Variants in MPDZ observed in about 807,000 individuals in gnomAD.
MPDZ encodes multiple PDZ domain crumbs cell polarity complex component, also known as multiple PDZ domain protein.
A neutral mutation model predicts 239.1 loss-of-function variants in MPDZ; 234 were observed. The observed-to-expected ratio is 0.98, with a 90% CI of 0.88 to 1.09. MPDZ has a LOEUF of 1.09. Among genes scored for constraint, MPDZ ranks in the 50% least tolerant of loss-of-function variants. The pLI is 0.00. For missense variants in MPDZ, 3,175 were observed against 2,510.0 expected (o/e 1.26, Z -5.66); for synonymous variants, 1,048 against 881.3 (o/e 1.19, Z -3.35).
chr9:13,115,307 C>T lies in MPDZ; in HGVS notation c.5407G>A (p.Val1803Ile). Residue 1803 changes from valine (V) to isoleucine (I), a missense_variant, in exon 40 of 47, where the codon GTT (valine) becomes ATT (isoleucine). Coordinates refer to ENST00000319217, the MANE Select transcript of MPDZ (RefSeq NM_001378778.1). ...AATGGACCAGCTTTGATTCTTCCAA[C>T]TTCCAAGGTTACTGTGCCTAGGGAA... is the stretch of plus-strand genomic sequence containing the variant. ...KCSLGTVTLE[V>I]GRIKAGPFHS... 2 of 1,612,726 alleles carry T rather than the reference C, an allele frequency of 1.2e-6. No homozygotes were observed. The highest frequency in any genetic ancestry group is 1.7e-6 in the Non-Finnish European group (2 of 1,179,818).
intron 23 of MPDZ, among the ~76,000 whole-genome samples, chr9:13,161,329 G>C (rs911636514): frequency 6.6e-6 from 1 of 152,010 alleles, no homozygotes; most frequent in African/African-American, 2.4e-5. Context: ...CAGCACTTTG[G>C]GAGGCCGAGG....
In MPDZ at chr9:13,205,920, G is replaced by C. The variant is rs760625429; in HGVS notation, c.1470C>G (p.Ile490Met). Residue 490 changes from isoleucine (I) to methionine (M), a missense_variant, in exon 11 of 47, where the codon ATC becomes ATG. Transcript: ENST00000319217. ...ACCAGATTAACATAGGATTACCTTT[G>C]ATTATGCTGGCATTAACAGGAGACA... ...ADLSPVNASI[I>M]KENYEKDEDF... 5 of 1,590,470 alleles carry C rather than the reference G, an allele frequency of 3.1e-6. No homozygotes were observed. The highest frequency in any genetic ancestry group is 4.3e-6 in the Non-Finnish European group (5 of 1,169,274).
chr9:13,223,756 G>C (rs1345516241), intron 4 of MPDZ, 46 bp from the exon 5 acceptor site: 9 of 1,530,788 alleles, frequency 5.9e-6, no homozygotes, highest in Non-Finnish European at 7.0e-6. Flanking sequence ...GCCAGGCCAT[G>C]CATGGTGGTT....
chr9:13,165,549 C>A, intron 22 of MPDZ: 1 of 815,730 alleles, frequency 1.2e-6, no homozygotes, highest in South Asian at 1.9e-5. Context: ...TTCCACCTCC[C>A]TCCCATCTAC....
At position 13,183,487 on chromosome 9, in the gene MPDZ, TAAAA is replaced by T; in HGVS notation, c.2576_2579del (p.Ile859AsnfsTer12). 1 of 1,612,438 alleles carries T rather than the reference TAAAA, an allele frequency of 6.2e-7. No homozygotes were observed. The highest frequency in any genetic ancestry group is 1.1e-5 in the South Asian group (1 of 90,996). On this transcript the variant is annotated frameshift_variant, in exon 19 of 47. Transcript: ENST00000319217. LOFTEE classifies it high-confidence loss of function. ...CACCACAAGAACTGCCATGAAGAGA[TAAAA>T]TAGAGGCTTGAGTAGAGTAGATGCT...
chr9:13,274,612 T>C (rs1397410405), intron 1 of MPDZ: 2 of 141,532 alleles, frequency 1.4e-5, no homozygotes, highest in East Asian at 2.1e-4. Flanking sequence ...TTGCAACACC[T>C]AAAAAACAAA....
chr9:13,258,830 A>G (rs962328493), intron 1 of MPDZ, among the ~76,000 whole-genome samples: 2 of 152,204 alleles, frequency 1.3e-5, no homozygotes, highest in African/African-American at 4.8e-5. Context: ...GATTAATTCA[A>G]TTTTGCCCAC....
chr9:13,166,549 A>G (rs1951096994), intron 22 of MPDZ, among the ~76,000 whole-genome samples: 1 of 152,130 alleles, frequency 6.6e-6, no homozygotes, highest in Non-Finnish European at 1.5e-5. Flanking sequence ...GTGTTTACAT[A>G]CACGAGAGAG....
chr9:13,253,006 T>C (rs1031078458), intron 1 of MPDZ, among the ~76,000 whole-genome samples: 3 of 152,146 alleles, frequency 2.0e-5, no homozygotes, highest in Non-Finnish European at 4.4e-5. Context: ...ATGTGTTTGG[T>C]ATGCACATGA....
intron 46 of MPDZ, among the ~76,000 whole-genome samples, chr9:13,107,507 G>C (rs904331052): frequency 2.6e-5 from 4 of 152,088 alleles, no homozygotes; most frequent in African/African-American, 7.2e-5. Context: ...GATTAGGTAG[G>C]AACAAAAACA....
chr9:13,260,321 T>G (rs574157763), intron 1 of MPDZ, among the ~76,000 whole-genome samples: 1 of 152,072 alleles, frequency 6.6e-6, no homozygotes, highest in South Asian at 2.1e-4. Flanking sequence ...GGAGCTAGAT[T>G]AAGATTAGTT....
chr9:13,248,976 C>CAAAAAAAAAAA lies in MPDZ; in HGVS notation c.17-1186_17-1176dup. Among the ~76,000 whole-genome samples the CAAAAAAAAAAA allele has an allele frequency of 2.8e-3, 102 of 35,820 alleles. 13 individuals carry two copies. The highest frequency in any genetic ancestry group is 0.011 in the East Asian group (9 of 814). 23.5% of individuals were successfully genotyped at this position (35,820 alleles called of 152,430 possible). On this transcript the variant is annotated intron_variant, in intron 2 of 46. Coordinates refer to ENST00000319217, the MANE Select transcript of MPDZ (RefSeq NM_001378778.1). ...CGACAGAGTGAGTGAGACTCCATCT[C>CAAAAAAAAAAA]AAAAAAAAAAAAAAAAAAAAAAAAA... is the stretch of plus-strand genomic sequence containing the variant.
At chr9:13,137,153 G>A (rs1466406764) in intron 29 of MPDZ, among the ~76,000 whole-genome samples, 4 of 152,052 alleles carry the variant, frequency 2.6e-5, no homozygotes, top group Non-Finnish European at 2.9e-5. Flanking sequence ...AAAAACTTGC[G>A]ACCTGCAAGA....
chr9:13,216,162 C>A (rs13298572), intron 10 of MPDZ, among the ~76,000 whole-genome samples: 1 of 151,414 alleles, frequency 6.6e-6, no homozygotes, highest in Middle Eastern at 3.2e-3. Flanking sequence ...AGGCTGCAGT[C>A]TGGGGAGTCC....
chr9:13,242,636 G>A (rs1965705319), intron 3 of MPDZ, among the ~76,000 whole-genome samples: 2 of 151,814 alleles, frequency 1.3e-5, no homozygotes, highest in Admixed American at 1.3e-4. Context: ...GAACAAAGGT[G>A]ATTAACCAAC....
chr9:13,247,524 T>C (rs1966838943), intron 3 of MPDZ, 111 bp downstream of exon 3: 1 of 1,185,218 alleles, frequency 8.4e-7, no homozygotes, highest in Non-Finnish European at 1.2e-6. Flanking sequence ...TTTAAATGAC[T>C]TCATTAACTA....
At chr9:13,204,324 G>C (rs142848357) in intron 12 of MPDZ, among the ~76,000 whole-genome samples, 1 of 152,046 alleles carries the variant, frequency 6.6e-6, no homozygotes, top group East Asian at 1.9e-4. Flanking sequence ...GTGGTGGCTC[G>C]CATCTGTAAT....
At chr9:13,275,547 G>A (rs1308083774) in intron 1 of MPDZ, among the ~76,000 whole-genome samples, 1 of 152,194 alleles carries the variant, frequency 6.6e-6, no homozygotes, top group Non-Finnish European at 1.5e-5. Flanking sequence ...TTGGTACCAG[G>A]AAATGGGGTG....
intron 21 of MPDZ, among the ~76,000 whole-genome samples, chr9:13,169,055 T>C (rs1369724285): frequency 6.6e-6 from 1 of 152,192 alleles, no homozygotes; most frequent in Non-Finnish European, 1.5e-5. Flanking sequence ...AAGTACTATG[T>C]TGGTTGCTTA....
Sources: gnomAD v4.1 joint callset for allele counts (sites outside exome capture counted in the v4.1 genomes callset) on GRCh38, gnomAD v4.1.1 for gene constraint, MANE v1.5 for transcripts, NCBI Gene and HGNC (gene_info 2026-07-23, HGNC 2026-07-21) for gene names.